Variants in MYH7 observed in about 807,000 individuals in gnomAD.
MYH7 encodes myosin-7.
A neutral mutation model predicts 225.4 loss-of-function variants in MYH7; 129 were observed. The ratio of observed to expected loss-of-function variants is 0.57; its 90% CI spans 0.50 to 0.66. The LOEUF is 0.66. Among genes scored for constraint, MYH7 ranks in the 30% least tolerant of loss-of-function variants. The probability of loss-of-function intolerance (pLI) is 0.00; values close to 1 mark genes in which losing one functional copy is unlikely to be tolerated. For missense variants in MYH7, 1,649 were observed against 2,517.0 expected (o/e 0.66, Z 7.38); for synonymous variants, 971 against 1,007.6 (o/e 0.96, Z 0.69).
chr14:23,421,020 C>A lies in MYH7; in HGVS notation c.3274G>T (p.Ala1092Ser). ...KKDFELNALN[A>S]RIEDEQALGS... Reference sequence around the variant, plus strand: ...AGGGCCTGTTCATCCTCAATCCTTGCGTTGAGAGCATTCAGCTCAAAGTCT... The same window carrying A: ...AGGGCCTGTTCATCCTCAATCCTTGAGTTGAGAGCATTCAGCTCAAAGTCT... Residue 1092 changes from alanine (A) to serine (S), a missense_variant, in exon 26 of 40, where the codon GCA becomes TCA. Physicochemically the swap from Ala to Ser is moderately conservative, Grantham distance 99. Coordinates refer to ENST00000355349, the MANE Select transcript of MYH7 (RefSeq NM_000257.4). The A allele has an allele frequency of 6.2e-7, 1 of 1,612,888 alleles. No individual in the cohort carries two copies. Among genetic ancestry groups the A allele is most frequent in the Non-Finnish European group, 8.5e-7 (1 of 1,180,002 alleles).
Position 23,428,560 on chromosome 14 carries a change from G to C in MYH7, c.1518C>G (p.Ile506Met). 6.2e-7 allele frequency: 1 copy of C among 1,614,170 alleles called. No individual in the cohort carries two copies. The highest frequency in any genetic ancestry group is 8.5e-7 in the Non-Finnish European group (1 of 1,180,040). The change falls in exon 15 of 40, where the codon ATC becomes ATG. Residue 506 changes from isoleucine to methionine, a missense_variant. Physicochemically the swap from Ile to Met is conservative, Grantham distance 10. This residue lies in a region of MYH7 where 76 missense variants were observed against 233.8 expected (regional missense o/e 0.33). Coordinates refer to ENST00000355349, the MANE Select transcript of MYH7 (RefSeq NM_000257.4). ...TGCCAAAGTCAATGAATGTCCACTC[G>C]ATGCCCTCCTTCTTGTACTCCTCCT... ...LEQEEYKKEG[I>M]EWTFIDFGMD...
intron 11 of MYH7, 23 bp downstream of exon 11, chr14:23,430,537 T>A: frequency 6.3e-7 from 1 of 1,584,510 alleles, no homozygotes; most frequent in Non-Finnish European, 8.7e-7. Context: ...TCCCACCCCC[T>A]GGCTGGGTCC....
chr14:23,415,347 G>C lies in MYH7; in HGVS notation c.5283+34C>G. On this transcript the variant is annotated intron_variant, in intron 36 of 39. Coordinates refer to ENST00000355349, the MANE Select transcript of MYH7 (RefSeq NM_000257.4). This position sits in a 1 kb window ranked among gnomAD's most constrained non-coding sequence, Gnocchi z 6.3. The stretch of plus-strand genomic sequence containing the variant: ...GCTGCCCAGCCCACGGAGAGACACT[G>C]GTCTGGATCGGGTCGGTGGAGTGGG... 1.9e-6 allele frequency: 3 copies of C among 1,614,232 alleles called. No individual in the cohort carries two copies. Among genetic ancestry groups the C allele is most frequent in the Non-Finnish European group, 2.5e-6 (3 of 1,180,046 alleles).
At chr14:23,430,694 A>G in intron 10 of MYH7, 31 bp from the exon 11 acceptor site, 2 of 1,579,100 alleles carry the variant, frequency 1.3e-6, no homozygotes, top group South Asian at 1.1e-5. Flanking sequence ...AGGGTGGGAC[A>G]CAAGCCCCCG....
chr14:23,414,096 C>A lies in MYH7; in HGVS notation c.5566G>T (p.Glu1856Ter). The A allele has an allele frequency of 6.2e-7, 1 of 1,612,696 alleles. No individual in the cohort carries two copies. Among genetic ancestry groups the A allele is most frequent in the South Asian group, 1.1e-5 (1 of 91,078 alleles). Residue 1856 changes from glutamate (E) to a stop codon, truncating the protein, a stop_gained, in exon 38 of 40, where the codon GAG becomes TAG. Coordinates refer to ENST00000355349, the MANE Select transcript of MYH7 (RefSeq NM_000257.4). LOFTEE classifies it high-confidence loss of function. Reference protein sequence around the residue: ...RIKELTYQTEEDRKNLLRLQD... With the variant: ...RIKELTYQTE ...AGCCGCAGCAGGTTTTTCCTGTCCT[C>A]CTCCGTCTGGGGGCCAGAGGGTAGG... is the stretch of plus-strand genomic sequence containing the variant.
intron 10 of MYH7, 74 bp downstream of exon 10, chr14:23,430,827 C>G (rs1892899978): frequency 1.5e-6 from 2 of 1,347,138 alleles, no homozygotes; most frequent in Admixed American, 3.4e-5. Flanking sequence ...GGCATGCCAG[C>G]TGAGTCCAGC....
rs773456019 is a variant in MYH7, at chr14:23,430,975, A to G, written c.821T>C (p.Ile274Thr). ...ETYLLEKSRV[I>T]FQLKAERDYH... ...ATCTCTCTCTGCTTTCAGCTGGAAA[A>G]TAACTCTGGATTTTTCCAGAAGATC... Residue 274 changes from isoleucine to threonine, a missense_variant, in exon 10 of 40, where the codon ATT becomes ACT. Ile to Thr is a moderately conservative substitution (Grantham distance 89). Coordinates refer to ENST00000355349, the MANE Select transcript of MYH7 (RefSeq NM_000257.4). 56 of 1,613,822 alleles carry G rather than the reference A, an allele frequency of 3.5e-5. No homozygotes were observed. Among genetic ancestry groups the G allele is most frequent in the Non-Finnish European group, 4.6e-5 (54 of 1,179,670 alleles).
In MYH7 at chr14:23,424,878, G is replaced by A. The variant is rs397516158; in HGVS notation, c.2570C>T (p.Thr857Ile). ...KEMASMKEEF[T>I]RLKEALEKSE... ...CTTCTCTAGCGCCTCTTTGAGGCGT[G>A]TGAACTCCTCCTTCATGGAGGCCAT... The change falls in exon 22 of 40, where the codon ACA (threonine) becomes ATA (isoleucine). Residue 857 changes from threonine to isoleucine, a missense_variant. Coordinates refer to ENST00000355349, the MANE Select transcript of MYH7 (RefSeq NM_000257.4). 6 of 1,614,098 alleles carry A rather than the reference G, an allele frequency of 3.7e-6. No homozygotes were observed. The highest frequency in any genetic ancestry group is 3.4e-6 in the Non-Finnish European group (4 of 1,180,040).
chr14:23,419,296 C>T lies in MYH7; in HGVS notation c.3854-1G>A. On this transcript the variant is annotated splice_acceptor_variant, in intron 28 of 39. Coordinates refer to ENST00000355349, the MANE Select transcript of MYH7 (RefSeq NM_000257.4). LOFTEE classifies it high-confidence loss of function. ...TCATCCAGCTGCCGGGACAGCTCAC[C>T]TGGGGAAGCACCATTCTAGATCAGC... is the stretch of plus-strand genomic sequence containing the variant. The T allele has an allele frequency of 1.2e-6, 2 of 1,614,170 alleles. No individual in the cohort carries two copies. The highest frequency in any genetic ancestry group is 1.7e-6 in the Non-Finnish European group (2 of 1,180,018).
intron 2 of MYH7, 54 bp downstream of exon 2, chr14:23,434,140 C>A: frequency 9.7e-7 from 1 of 1,031,462 alleles, no homozygotes; most frequent in Non-Finnish European, 1.2e-6. Context: ...GGCTTTGGGG[C>A]TCTAATGCCC....
chr14:23,419,068 A>G, intron 29 of MYH7, 109 bp downstream of exon 29: 1 of 1,010,162 alleles, frequency 9.9e-7, no homozygotes. Context: ...GAATTCTTGG[A>G]GAACTGTTGG....
chr14:23,421,198 A>G, intron 25 of MYH7, 150 bp from the exon 26 acceptor site: 1 of 688,416 alleles, frequency 1.5e-6, no homozygotes, highest in East Asian at 2.7e-5. Flanking sequence ...CTGGAAGTGT[A>G]ACACCTGCGG....
At chr14:23,418,450 T>C (rs571350514) in intron 29 of MYH7, 44 bp from the exon 30 acceptor site, 10 of 1,563,244 alleles carry the variant, frequency 6.4e-6, no homozygotes, top group Non-Finnish European at 7.8e-6. Context: ...GCTTTCTCCA[T>C]AAAGCAACCC....
At position 23,431,836 on chromosome 14, in the gene MYH7, G is replaced by T. The variant is rs774410012; in HGVS notation, c.564C>A (p.Thr188=). ...GESGAGKTVN[T]KRVIQYFAVI... ...CAGCAAAGTACTGGATGACCCTCTT[G>T]GTGTTGACTGTCTTCCCTGCTCCGG... Residue 188 remains threonine, a synonymous_variant, in exon 7 of 40, where the codon ACC becomes ACA. Transcript: ENST00000355349. 1 of 1,614,266 alleles carries T rather than the reference G, an allele frequency of 6.2e-7. No individual in the cohort carries two copies. Among genetic ancestry groups the T allele is most frequent in the Non-Finnish European group, 8.5e-7 (1 of 1,180,052 alleles).
rs45619332 is a variant in MYH7 at position 23,419,649 on chromosome 14, CG to C, written c.3727-41del. On this transcript the variant is annotated intron_variant, in intron 27 of 39. Coordinates refer to ENST00000355349, the MANE Select transcript of MYH7 (RefSeq NM_000257.4). The stretch of plus-strand genomic sequence containing the variant: ...AGAGTTATATGATGGATGTTGGGGG[CG>C]GGGGGAATGAAGGGGTGTAAGAGGT... 3.6e-4 allele frequency: 564 copies of C among 1,560,292 alleles called. 1 individual carries two copies. In the African/African-American group the frequency reaches 7.8e-3, roughly 21 times the overall value.
Position 23,425,806 on chromosome 14 carries a change from C to T in MYH7, c.2175G>A (p.Leu725=). ...GTCCCTCAGGGATGGCCGCTGGGTTCAGGATGCGATACCTGAGGAGGGAAG... is the reference window on the plus strand; with the variant it reads ...GTCCCTCAGGGATGGCCGCTGGGTTTAGGATGCGATACCTGAGGAGGGAAG... ...YGDFRQRYRI[L]NPAAIPEGQF... Residue 725 remains leucine, a synonymous_variant, in exon 20 of 40, where the codon CTG becomes CTA. Coordinates refer to ENST00000355349, the MANE Select transcript of MYH7 (RefSeq NM_000257.4). The surrounding 1 kb of genome is among the most constrained non-coding windows in gnomAD (Gnocchi z 4.6). 1 of 1,613,996 alleles carries T rather than the reference C, an allele frequency of 6.2e-7. No homozygotes were observed. Among genetic ancestry groups the T allele is most frequent in the South Asian group, 1.1e-5 (1 of 91,082 alleles).
chr14:23,416,796 C>T (rs1345676431), intron 33 of MYH7, 72 bp downstream of exon 33: 40 of 1,609,512 alleles, frequency 2.5e-5, no homozygotes, highest in African/African-American at 5.3e-5. Flanking sequence ...ACGGACAAAG[C>T]GGGGGATGAG....
rs1440685797 is a variant in MYH7, at chr14:23,415,453, G to C, written c.5211C>G (p.Leu1737=). 1.2e-6 allele frequency: 2 copies of C among 1,614,104 alleles called. No homozygotes were observed. ...GCACTGCCTCCTCCACTTCAGTCTG[G>C]AGCTGGGACAGGTCAGCATCCATCT... The part of the protein sequence containing the change: ...KKKMDADLSQ[L]QTEVEEAVQE... The change falls in exon 36 of 40, where the codon CTC becomes CTG. Residue 1737 remains leucine (L), a synonymous_variant. Coordinates refer to ENST00000355349, the MANE Select transcript of MYH7 (RefSeq NM_000257.4). This position sits in a 1 kb window ranked among gnomAD's most constrained non-coding sequence, Gnocchi z 6.3.
rs148650290 is a variant in MYH7, at chr14:23,425,797, C to G, written c.2184G>C (p.Ala728=). 3.1e-6 allele frequency: 5 copies of G among 1,613,834 alleles called. No individual in the cohort carries two copies. The highest frequency in any genetic ancestry group is 1.7e-5 in the Admixed American group (1 of 59,996). The part of the protein sequence containing the change: ...FRQRYRILNP[A]AIPEGQFIDS... ...CAATGAACTGTCCCTCAGGGATGGC[C>G]GCTGGGTTCAGGATGCGATACCTGA... The change falls in exon 20 of 40, where the codon GCG becomes GCC. Residue 728 remains alanine, a synonymous_variant. Coordinates refer to ENST00000355349, the MANE Select transcript of MYH7 (RefSeq NM_000257.4). This position sits in a 1 kb window ranked among gnomAD's most constrained non-coding sequence, Gnocchi z 4.6.
Sources: gnomAD v4.1 joint callset for allele counts on GRCh38, gnomAD v4.1.1 for gene constraint, gnomAD v4.1.1 regional missense constraint, Gnocchi (gnomAD v3.1) non-coding constraint, MANE v1.5 for transcripts, NCBI Gene and HGNC (gene_info 2026-07-23, HGNC 2026-07-21) for gene names.